ZNF385B: variants seen among roughly 807,000 people sequenced by gnomAD.
ZNF385B encodes zinc finger protein 533.
In ZNF385B, 23 loss-of-function variants were observed where a neutral mutation model predicts 39.2. That is an observed-to-expected ratio of 0.59 (90% CI 0.42 to 0.83). The LOEUF (loss-of-function observed/expected upper bound fraction) is 0.83. Among genes scored for constraint, ZNF385B ranks in the 40% least tolerant of loss-of-function variants. The probability of loss-of-function intolerance (pLI) is 0.00; values close to 1 mark genes in which losing one functional copy is unlikely to be tolerated. For missense variants in ZNF385B, 552 were observed against 598.9 expected (o/e 0.92, Z 0.82); for synonymous variants, 205 against 222.6 (o/e 0.92, Z 0.70).
At chr2:179,516,813 G>GCTT (rs2058119873) in intron 5 of ZNF385B, among the ~76,000 whole-genome samples, 1 of 151,858 alleles carries the variant, frequency 6.6e-6, no homozygotes. Context: ...AGAAATCTTT[G>GCTT]CCTAATGCAA....
At chr2:179,546,867 T>C (rs949627385) in intron 3 of ZNF385B, among the ~76,000 whole-genome samples, 3 of 149,798 alleles carry the variant, frequency 2.0e-5, no homozygotes, top group Non-Finnish European at 4.4e-5. Context: ...GGTTCCTCTT[T>C]CTCCACATCC....
intron 3 of ZNF385B, among the ~76,000 whole-genome samples, chr2:179,551,391 T>C (rs1255762806): frequency 6.6e-6 from 1 of 151,484 alleles, no homozygotes; most frequent in Non-Finnish European, 1.5e-5. Flanking sequence ...ACTGTTGAAA[T>C]AGCTGCATAA....
intron 3 of ZNF385B, among the ~76,000 whole-genome samples, chr2:179,588,348 C>G (rs1460933499): frequency 6.6e-6 from 1 of 152,008 alleles, no homozygotes; most frequent in East Asian, 1.9e-4. Context: ...TCGTCCTCCC[C>G]CTTCTCTCTT....
rs560385292 is a variant in ZNF385B at position 179,769,416 on chromosome 2, A to C, written c.298+87T>G. On this transcript the variant is annotated intron_variant, in intron 3 of 9. Coordinates refer to ENST00000410066, the MANE Select transcript of ZNF385B (RefSeq NM_152520.6). ...TCATGGTAGCCCAGTTTTAAGGTAA[A>C]AATTAAGTCTTGTTCTAAATCCTTC... 102 of 1,552,418 alleles carry C rather than the reference A, an allele frequency of 6.6e-5. 2 individuals are homozygous for C. In the Middle Eastern group the frequency reaches 2.4e-3, roughly 36 times the overall value.
chr2:179,593,612 A>C (rs1351791392), intron 3 of ZNF385B, among the ~76,000 whole-genome samples: 1 of 152,208 alleles, frequency 6.6e-6, no homozygotes, highest in Admixed American at 6.5e-5. Context: ...CAGGTACTCA[A>C]GTATCAAGAA....
intron 5 of ZNF385B, among the ~76,000 whole-genome samples, chr2:179,501,687 T>G (rs1043622608): frequency 1.3e-5 from 2 of 152,184 alleles, no homozygotes; most frequent in Admixed American, 6.5e-5. Context: ...ATAGGGTGAC[T>G]ATAGTTAATA....
At chr2:179,534,810 G>T (rs2059459200) in intron 4 of ZNF385B, 1 of 152,138 alleles carries the variant, frequency 6.6e-6, no homozygotes, top group African/African-American at 2.4e-5. Flanking sequence ...AGTAAGTAGA[G>T]TTACTTTTCT....
In ZNF385B at chr2:179,544,925, G is replaced by A. The variant is rs765909413; in HGVS notation, c.343C>T (p.Pro115Ser). The A allele has an allele frequency of 3.1e-6, 5 of 1,614,104 alleles. No individual in the cohort carries two copies. The East Asian group carries it at 8.9e-5, about 29-fold the overall frequency. ...TTTLPALVRTPTLMMQPSLDI... is the reference protein window; with the variant it reads ...TTTLPALVRTSTLMMQPSLDI... ...AGTGAAGGCTGCATCATCAGGGTAG[G>A]TGTGCGCACAAGAGCAGGAAGGGTA... Residue 115 changes from proline to serine, a missense_variant, in exon 4 of 10, where the codon CCT becomes TCT. Physicochemically the swap from Pro to Ser is moderately conservative, Grantham distance 74 (BLOSUM62 -1). Transcript: ENST00000410066.
intron 4 of ZNF385B, among the ~76,000 whole-genome samples, chr2:179,531,518 C>A (rs1411438833): frequency 6.6e-6 from 1 of 152,004 alleles, no homozygotes. Flanking sequence ...CACCTGTAAT[C>A]CCAGCTACTG....
intron 3 of ZNF385B, among the ~76,000 whole-genome samples, chr2:179,616,043 T>TC (rs1463951037): frequency 1.3e-5 from 2 of 152,216 alleles, no homozygotes; most frequent in Non-Finnish European, 2.9e-5. Flanking sequence ...ATCTGATAAA[T>TC]TGAGGAGTTT....
chr2:179,830,144 AAAC>A (rs1424704188), intron 1 of ZNF385B, among the ~76,000 whole-genome samples: 1 of 152,248 alleles, frequency 6.6e-6, no homozygotes, highest in Non-Finnish European at 1.5e-5. Context: ...ATGCAAATTA[AAAC>A]AACAAAGAGA....
chr2:179,521,249 C>A (rs1400821), intron 4 of ZNF385B, among the ~76,000 whole-genome samples: 113,746 of 151,684 alleles, frequency 0.75, 43,026 homozygotes, highest in East Asian at 0.91. Context: ...TGTAGTGGTG[C>A]GATATCAGCT....
intron 5 of ZNF385B, among the ~76,000 whole-genome samples, chr2:179,490,570 G>C (rs1331685856): frequency 1.3e-5 from 2 of 151,422 alleles, no homozygotes; most frequent in African/African-American, 4.9e-5. Context: ...TTTACATGAT[G>C]AATTAGAAAG....
At chr2:179,662,227 G>T (rs1265721430) in intron 3 of ZNF385B, among the ~76,000 whole-genome samples, 2 of 152,182 alleles carry the variant, frequency 1.3e-5, no homozygotes, top group Non-Finnish European at 2.9e-5. Context: ...CACAGGCCCA[G>T]CAATGCAGCT....
chr2:179,583,193 G>A (rs370675884), intron 3 of ZNF385B, among the ~76,000 whole-genome samples: 59 of 152,078 alleles, frequency 3.9e-4, no homozygotes, highest in South Asian at 2.1e-4. Flanking sequence ...TGAGTACCAC[G>A]GTCACACTTT....
chr2:179,557,937 T>TG (rs2061059608), intron 3 of ZNF385B, among the ~76,000 whole-genome samples: 1 of 152,028 alleles, frequency 6.6e-6, no homozygotes, highest in South Asian at 2.1e-4. Flanking sequence ...ATATTCCCTA[T>TG]GGGGAAAAAA....
chr2:179,629,532 G>A (rs1357039743), intron 3 of ZNF385B, among the ~76,000 whole-genome samples: 1 of 152,152 alleles, frequency 6.6e-6, no homozygotes, highest in East Asian at 1.9e-4. Context: ...CCCTCTTTTA[G>A]AAAATTAACA....
intron 1 of ZNF385B, among the ~76,000 whole-genome samples, chr2:179,807,713 G>T (rs1410587879): frequency 6.6e-6 from 1 of 151,932 alleles, no homozygotes; most frequent in Non-Finnish European, 1.5e-5. Context: ...GGCTAACACG[G>T]TGAAACCCCG....
chr2:179,856,353 T>A (rs1451905153), intron 1 of ZNF385B, among the ~76,000 whole-genome samples: 1 of 152,032 alleles, frequency 6.6e-6, no homozygotes, highest in Non-Finnish European at 1.5e-5. Context: ...TGCTCCTCCT[T>A]CTGCCCCACG....
Sources: gnomAD v4.1 joint callset for allele counts (sites outside exome capture counted in the v4.1 genomes callset) on GRCh38, gnomAD v4.1.1 for gene constraint, MANE v1.5 for transcripts, NCBI Gene and HGNC (gene_info 2026-07-23, HGNC 2026-07-21) for gene names.